NCAPG2: variants seen among roughly 807,000 people sequenced by gnomAD.
NCAPG2 encodes the protein condensin-2 complex subunit G2.
Under a neutral mutation model 141.1 loss-of-function variants are expected in NCAPG2, and 53 were observed. That is an observed-to-expected ratio of 0.38 (90% confidence interval 0.30 to 0.47). NCAPG2 has a LOEUF of 0.47. Among genes scored for constraint, NCAPG2 ranks in the 20% least tolerant of loss-of-function variants. The pLI is 0.99. For synonymous variants in NCAPG2, 499 were observed against 490.7 expected (o/e 1.02, Z -0.22); for missense variants, 1,087 against 1,389.0 (o/e 0.78, Z 3.46).
chr7:158,668,237 CTGCCCT>C (rs1833364131), intron 13 of NCAPG2: 1 of 366,638 alleles, frequency 2.7e-6, no homozygotes, highest in African/African-American at 1.1e-4. Context: ...CTGGGTCCCT[CTGCCCT>C]CCTTACCCAC....
At chr7:158,671,792 A>G (rs991861419) in intron 12 of NCAPG2, 126 bp from the exon 13 acceptor site, 1 of 1,054,642 alleles carries the variant, frequency 9.5e-7, no homozygotes, top group Non-Finnish European at 1.3e-6. Flanking sequence ...AAATAAATAT[A>G]CCTATGGAAA....
chr7:158,668,556 C>A, intron 13 of NCAPG2: 1 of 540,042 alleles, frequency 1.9e-6, no homozygotes. Flanking sequence ...GCAGTGTGGC[C>A]TGGATACAGT....
chr7:158,660,401 CTTTTTTT>C (rs945928092), intron 16 of NCAPG2, among the ~76,000 whole-genome samples: 9 of 72,816 alleles, frequency 1.2e-4, no homozygotes, highest in Non-Finnish European at 1.6e-4. Flanking sequence ...TTTCAGCTTT[CTTTTTTT>C]TTTTTTTTTT....
rs182382283 is a variant in NCAPG2, at chr7:158,662,487, G to A, written c.1816-120C>T. Reference sequence around the variant, plus strand: ...TAGAGAACATCCGTCTTACTTTCACGTCTTCTACTCTCCACTTTAGAATCT... The same window carrying A: ...TAGAGAACATCCGTCTTACTTTCACATCTTCTACTCTCCACTTTAGAATCT... On this transcript the variant is annotated intron_variant, in intron 15 of 27. Coordinates refer to ENST00000356309, the MANE Select transcript of NCAPG2 (RefSeq NM_017760.7). 5.4e-5 allele frequency: 45 copies of A among 831,498 alleles called. 1 individual carries two copies. The highest frequency in any genetic ancestry group is 2.9e-4 in the Admixed American group (8 of 27,326). The allele number at this position is 831,498 out of a possible 1,614,324, so 51.5% of individuals were successfully genotyped here.
chr7:158,655,456 C>T lies in NCAPG2; in HGVS notation c.2389-1G>A. ...TCTGCAGAAGTGACTCCAGATCTGCCTGTAATAGAAAAAACCCAAGGGCCA... is the reference window on the plus strand; with the variant it reads ...TCTGCAGAAGTGACTCCAGATCTGCTTGTAATAGAAAAAACCCAAGGGCCA... On this transcript the variant is annotated splice_acceptor_variant, in intron 19 of 27. Transcript: ENST00000356309. LOFTEE classifies it high-confidence loss of function. The T allele has an allele frequency of 6.2e-7, 1 of 1,613,170 alleles. No individual in the cohort carries two copies.
Position 158,644,379 on chromosome 7 carries a change from T to C in NCAPG2, c.3290A>G (p.Lys1097Arg), listed in dbSNP as rs186267236. ...IILVINAGKH[K>R]SSKVREVAAT... ...TGCAACCTCCCTCACTTTTGAGCTTTTATGTTTACCTGGGAAAATTATATT... is the reference window on the plus strand; with the variant it reads ...TGCAACCTCCCTCACTTTTGAGCTTCTATGTTTACCTGGGAAAATTATATT... The change falls in exon 27 of 28, where the codon AAA becomes AGA. Residue 1097 changes from lysine to arginine, a missense_variant. By Grantham distance (26) the Lys-to-Arg change is conservative (BLOSUM62 2). Transcript: ENST00000356309. 6.2e-7 allele frequency: 1 copy of C among 1,613,414 alleles called. No individual in the cohort carries two copies.
intron 1 of NCAPG2, chr7:158,703,720 T>C (rs2129469969): frequency 1.3e-5 from 2 of 152,376 alleles, no homozygotes; most frequent in Middle Eastern, 3.4e-3. Context: ...AAGATGAGCA[T>C]TAAAAAGAAG....
chr7:158,695,458 A>T (rs952088617), intron 2 of NCAPG2, among the ~76,000 whole-genome samples: 1 of 152,192 alleles, frequency 6.6e-6, no homozygotes. Flanking sequence ...CTTCCTGAAA[A>T]ATCAACCCTG....
At position 158,651,023 on chromosome 7, in the gene NCAPG2, A is replaced by G. The variant is rs372376715; in HGVS notation, c.2935-51T>C. On this transcript the variant is annotated intron_variant, in intron 23 of 27. Coordinates refer to ENST00000356309, the MANE Select transcript of NCAPG2 (RefSeq NM_017760.7). ...TTAATGACTAAAAACCATGGTTTTGAAAAAAACAAAAAAACACTTTAAAAT... is the reference window on the plus strand; with the variant it reads ...TTAATGACTAAAAACCATGGTTTTGGAAAAAACAAAAAAACACTTTAAAAT... 1,353 of 1,483,350 alleles carry G rather than the reference A, an allele frequency of 9.1e-4. 7 individuals carry two copies. Among genetic ancestry groups the G allele is most frequent in the Middle Eastern group, 5.3e-3 (27 of 5,088 alleles). The allele number at this position is 1,483,350 out of a possible 1,614,324, so 91.9% of individuals were successfully genotyped here.
intron 2 of NCAPG2, chr7:158,696,257 G>C (rs1324481812): frequency 6.6e-6 from 1 of 152,198 alleles, no homozygotes; most frequent in African/African-American, 2.4e-5. Context: ...CTCCAGCAGA[G>C]GGTGATCCTG....
intron 13 of NCAPG2, among the ~76,000 whole-genome samples, chr7:158,665,877 C>A (rs1304114756): frequency 6.6e-6 from 1 of 152,170 alleles, no homozygotes; most frequent in East Asian, 1.9e-4. Flanking sequence ...GTCATTACTA[C>A]CTCCTGAAGC....
At chr7:158,668,522 T>A in intron 13 of NCAPG2, 3 of 768,272 alleles carry the variant, frequency 3.9e-6, no homozygotes, top group Non-Finnish European at 4.7e-6. Context: ...ATATGATGTC[T>A]GGAATTTATT....
At chr7:158,653,120 G>A (rs1016525489) in intron 22 of NCAPG2, among the ~76,000 whole-genome samples, 11 of 152,116 alleles carry the variant, frequency 7.2e-5, no homozygotes, top group Non-Finnish European at 1.3e-4. Context: ...TGTAATCCCA[G>A]CACCTTGAAA....
intron 13 of NCAPG2, chr7:158,668,249 CCCACTA>C: frequency 1.9e-6 from 1 of 523,656 alleles, no homozygotes; most frequent in Non-Finnish European, 2.3e-6. Flanking sequence ...GCCCTCCTTA[CCCACTA>C]CTGGGTCCCT....
At chr7:158,697,646 A>AG (rs1278231515) in intron 2 of NCAPG2, among the ~76,000 whole-genome samples, 1 of 152,072 alleles carries the variant, frequency 6.6e-6, no homozygotes, top group Non-Finnish European at 1.5e-5. Flanking sequence ...GCTATCAAAT[A>AG]GGGGTATAAA....
chr7:158,658,440 C>A, intron 16 of NCAPG2, 32 bp from the exon 17 acceptor site: 1 of 1,550,034 alleles, frequency 6.5e-7, no homozygotes, highest in South Asian at 1.2e-5. Flanking sequence ...CAAAACAAAG[C>A]ATATGTAAGC....
rs748386016 is a variant in NCAPG2, at chr7:158,655,460, A to G, written c.2389-5T>C. On this transcript the variant is annotated splice_region_variant and splice_polypyrimidine_tract_variant and intron_variant, in intron 19 of 27. Transcript: ENST00000356309. ...CAGAAGTGACTCCAGATCTGCCTGT[A>G]ATAGAAAAAACCCAAGGGCCACATG... The G allele has an allele frequency of 6.2e-7, 1 of 1,613,234 alleles. No homozygotes were observed. Among genetic ancestry groups the G allele is most frequent in the Admixed American group, 1.7e-5 (1 of 60,016 alleles).
chr7:158,654,109 A>T (rs745319879), intron 22 of NCAPG2, among the ~76,000 whole-genome samples: 16 of 152,170 alleles, frequency 1.1e-4, no homozygotes, highest in Non-Finnish European at 2.4e-4. Context: ...TCATCATCTG[A>T]TGTGATTCGA....
Position 158,664,683 on chromosome 7 carries a change from C to T in NCAPG2, c.1547G>A (p.Arg516Gln), listed in dbSNP as rs774500092. ...RLETDSRPVS[R>Q]RLVSLIFNSF... Reference sequence around the variant, plus strand: ...ATTAAAGATGAGGCTCACCAGGCGCCGAGACACAGGTCGAGAATCAGTTTC... The same window carrying T: ...ATTAAAGATGAGGCTCACCAGGCGCTGAGACACAGGTCGAGAATCAGTTTC... The change falls in exon 14 of 28, where the codon CGG (arginine) becomes CAG (glutamine). Residue 516 changes from arginine to glutamine, a missense_variant. Arg to Gln is a conservative substitution (Grantham distance 43). Coordinates refer to ENST00000356309, the MANE Select transcript of NCAPG2 (RefSeq NM_017760.7). 8.1e-6 allele frequency: 13 copies of T among 1,614,048 alleles called. No individual in the cohort carries two copies. Among genetic ancestry groups the T allele is most frequent in the Middle Eastern group, 1.6e-4 (1 of 6,062 alleles).
Sources: gnomAD v4.1 joint callset for allele counts (sites outside exome capture counted in the v4.1 genomes callset) on GRCh38, gnomAD v4.1.1 for gene constraint, MANE v1.5 for transcripts, NCBI Gene and HGNC (gene_info 2026-07-23, HGNC 2026-07-21) for gene names.